The following TEK variants were observed in gnomAD, a reference collection of about 807,000 sequenced individuals.
The protein encoded by TEK is TEK receptor tyrosine kinase, also known as angiopoietin-1 receptor.
Under a neutral mutation model 131.8 loss-of-function variants are expected in TEK, and 43 were observed. That is an observed-to-expected ratio of 0.33 (90% CI 0.26 to 0.42). TEK has a LOEUF of 0.42. Ranked by LOEUF, TEK falls within the 10% of genes least tolerant of loss-of-function variation. TEK has a pLI of 1.00. For synonymous variants in TEK, 580 were observed against 491.6 expected (o/e 1.18, Z -2.38); for missense variants, 1,162 against 1,384.4 (o/e 0.84, Z 2.55).
chr9:27,162,598 G>A (rs982721510), intron 2 of TEK, among the ~76,000 whole-genome samples: 3 of 152,152 alleles, frequency 2.0e-5, no homozygotes, highest in African/African-American at 4.8e-5. Flanking sequence ...CATAATTTAC[G>A]AAGTTGTTAG....
chr9:27,118,213 G>A (rs1194250076), intron 1 of TEK, among the ~76,000 whole-genome samples: 2 of 152,284 alleles, frequency 1.3e-5, no homozygotes, highest in African/African-American at 2.4e-5. Context: ...TAGGTTGAAT[G>A]CCTTTATGTG....
intron 21 of TEK, among the ~76,000 whole-genome samples, chr9:27,225,195 C>T (rs747482416): frequency 3.3e-5 from 5 of 151,668 alleles, no homozygotes; most frequent in Non-Finnish European, 5.9e-5. Flanking sequence ...GTGTTATCCC[C>T]ATCAAGCTAC....
chr9:27,167,818 T>C (rs900713973), intron 2 of TEK, among the ~76,000 whole-genome samples: 1 of 151,956 alleles, frequency 6.6e-6, no homozygotes, highest in African/African-American at 2.4e-5. Flanking sequence ...ATTTGGTAAA[T>C]TTTTTTTCTC....
chr9:27,204,442 C>A (rs1825330492), intron 13 of TEK, among the ~76,000 whole-genome samples: 1 of 152,086 alleles, frequency 6.6e-6, no homozygotes, highest in Admixed American at 6.6e-5. Flanking sequence ...TTCATTAACT[C>A]ATTAAAACAA....
rs141769154 is a variant in TEK, at chr9:27,202,988, C to T, written c.2078C>T (p.Thr693Ile). 8.3e-5 allele frequency: 134 copies of T among 1,614,108 alleles called. No homozygotes were observed. In the African/African-American group the frequency reaches 1.6e-3, roughly 20 times the overall value. ...GTTGATGTGAAGATAAAGAATGCCACCATCACTCAGTATCAGCTCAAGGGC... is the reference window on the plus strand; with the variant it reads ...GTTGATGTGAAGATAAAGAATGCCATCATCACTCAGTATCAGCTCAAGGGC... ...QHVDVKIKNA[T>I]ITQYQLKGLE... Residue 693 changes from threonine to isoleucine, a missense_variant, in exon 13 of 23, where the codon ACC becomes ATC. Physicochemically the swap from Thr to Ile is moderately conservative, Grantham distance 89. Transcript: ENST00000380036.
At chr9:27,206,134 A>C (rs1188076253) in intron 14 of TEK, among the ~76,000 whole-genome samples, 2 of 151,708 alleles carry the variant, frequency 1.3e-5, no homozygotes, top group South Asian at 2.1e-4. Flanking sequence ...AAGAGTGTGC[A>C]CTAAAAATAG....
At chr9:27,145,266 C>T (rs913512792) in intron 1 of TEK, among the ~76,000 whole-genome samples, 1 of 152,134 alleles carries the variant, frequency 6.6e-6, no homozygotes, top group African/African-American at 2.4e-5. Context: ...AAAAAGGGGG[C>T]AAGAATCAAA....
rs374675820 is a variant in TEK at position 27,117,278 on chromosome 9, G to A, written c.52+7636G>A. ...TATTTTACAGAGAGCCAGCTGCACC[G>A]GCAGCATCACCAAACCAGAGCTGGA... is the stretch of plus-strand genomic sequence containing the variant. On this transcript the variant is annotated intron_variant, in intron 1 of 22. Transcript: ENST00000380036. Among the ~76,000 whole-genome samples, 18 of 152,266 alleles carry A rather than the reference G, an allele frequency of 1.2e-4. No homozygotes were observed. The South Asian group carries it at 3.3e-3, about 28-fold the overall frequency.
chr9:27,137,586 A>G (rs1280862377), intron 1 of TEK, among the ~76,000 whole-genome samples: 3 of 152,106 alleles, frequency 2.0e-5, no homozygotes, highest in African/African-American at 4.8e-5. Flanking sequence ...AACTTTAGGA[A>G]TTTATATTTC....
chr9:27,112,915 G>T (rs1046474418), intron 1 of TEK, among the ~76,000 whole-genome samples: 3 of 152,176 alleles, frequency 2.0e-5, no homozygotes, highest in Admixed American at 2.0e-4. Context: ...CTAGGTTTTG[G>T]GGATACACAA....
At position 27,192,580 on chromosome 9, in the gene TEK, A is replaced by G. The variant is rs1200723722; in HGVS notation, c.1581A>G (p.Glu527=). Residue 527 remains glutamate (E), a synonymous_variant, in exon 11 of 23, where the codon GAA becomes GAG. Coordinates refer to ENST00000380036, the MANE Select transcript of TEK (RefSeq NM_000459.5). Reference sequence around the variant, plus strand: ...TGGTCCGTCGTGGAGAGGGTGGGGAAGGGCATCCTGGACCTGTGAGACGCT... The same window carrying G: ...TGGTCCGTCGTGGAGAGGGTGGGGAGGGGCATCCTGGACCTGTGAGACGCT... ...VQLVRRGEGG[E]GHPGPVRRFT... 6.2e-7 allele frequency: 1 copy of G among 1,613,686 alleles called. No individual in the cohort carries two copies. Among genetic ancestry groups the G allele is most frequent in the South Asian group, 1.1e-5 (1 of 91,072 alleles).
chr9:27,211,709 A>G (rs774250644), intron 16 of TEK, among the ~76,000 whole-genome samples: 2 of 152,048 alleles, frequency 1.3e-5, no homozygotes, highest in African/African-American at 4.8e-5. Flanking sequence ...GGCTCAAGCA[A>G]TCCATCTGCC....
At chr9:27,129,954 C>T (rs1822148040) in intron 1 of TEK, among the ~76,000 whole-genome samples, 1 of 152,154 alleles carries the variant, frequency 6.6e-6, no homozygotes, top group Admixed American at 6.5e-5. Context: ...TTATATATTT[C>T]ACAGCAAAGT....
intron 17 of TEK, 49 bp from the exon 18 acceptor site, chr9:27,213,435 C>G: frequency 7.1e-7 from 1 of 1,414,168 alleles, no homozygotes; most frequent in Non-Finnish European, 1.0e-6. Context: ...GTTTTCAGCC[C>G]TGGGGCTTTC....
chr9:27,149,608 C>T (rs551100157), intron 1 of TEK, among the ~76,000 whole-genome samples: 20 of 152,124 alleles, frequency 1.3e-4, no homozygotes, highest in East Asian at 5.8e-4. Context: ...AATCGTTCTC[C>T]GTGAATTGTC....
chr9:27,181,000 T>G (rs924173088), intron 7 of TEK, among the ~76,000 whole-genome samples: 2 of 152,168 alleles, frequency 1.3e-5, no homozygotes, highest in African/African-American at 4.8e-5. Flanking sequence ...TTACAACATA[T>G]TCATCATACC....
intron 1 of TEK, among the ~76,000 whole-genome samples, chr9:27,153,004 T>C (rs1564063118): frequency 6.6e-6 from 1 of 152,212 alleles, no homozygotes. Flanking sequence ...TTAGATACTG[T>C]TCAATATAGA....
chr9:27,186,088 A>G (rs1285277879), intron 9 of TEK, among the ~76,000 whole-genome samples: 2 of 152,184 alleles, frequency 1.3e-5, no homozygotes, highest in East Asian at 1.9e-4. Flanking sequence ...GAGAATCCCT[A>G]TTTTGAGGAT....
chr9:27,111,933 C>G (rs1000341881), intron 1 of TEK, among the ~76,000 whole-genome samples: 4 of 138,200 alleles, frequency 2.9e-5, no homozygotes, highest in Non-Finnish European at 4.5e-5. Flanking sequence ...GAGTCTCGCT[C>G]TGTCACCCAG....
Sources: gnomAD v4.1 joint callset for allele counts (sites outside exome capture counted in the v4.1 genomes callset) on GRCh38, gnomAD v4.1.1 for gene constraint, MANE v1.5 for transcripts, NCBI Gene and HGNC (gene_info 2026-07-23, HGNC 2026-07-21) for gene names.